C10orf88: variants seen among roughly 807,000 people sequenced by gnomAD.
C10orf88 encodes the protein chromosome 10 open reading frame 88.
A neutral mutation model predicts 34.2 loss-of-function variants in C10orf88; 29 were observed. The observed-to-expected ratio is 0.85, with a 90% CI of 0.63 to 1.16. The LOEUF (loss-of-function observed/expected upper bound fraction) is 1.16. Ranked by LOEUF, C10orf88 falls within the 50% of genes most tolerant of loss-of-function variation. The pLI is 0.00. For missense variants in C10orf88, 507 were observed against 533.2 expected, an observed-to-expected ratio of 0.95 and a Z score of 0.48; for synonymous variants, 194 against 197.4, an observed-to-expected ratio of 0.98 and a Z score of 0.15.
intron 5 of C10orf88, chr10:122,933,416 G>A (rs1848504007): frequency 6.6e-6 from 1 of 152,266 alleles, no homozygotes; most frequent in Admixed American, 6.6e-5. Context: ...GCTGCAGTGA[G>A]CTGAGATTGC....
chr10:122,944,404 T>C (rs542172986), intron 4 of C10orf88, among the ~76,000 whole-genome samples: 7 of 146,802 alleles, frequency 4.8e-5, no homozygotes, highest in South Asian at 2.3e-4. Flanking sequence ...AGGGATAGCA[T>C]TGGGAGATAT....
intron 3 of C10orf88, among the ~76,000 whole-genome samples, chr10:122,951,690 G>A (rs1848691321): frequency 6.6e-6 from 1 of 152,136 alleles, no homozygotes; most frequent in South Asian, 2.1e-4. Flanking sequence ...AAATTTGCCA[G>A]GCATGGTGGT....
chr10:122,947,053 G>A (rs1848647389), intron 4 of C10orf88, among the ~76,000 whole-genome samples: 1 of 152,138 alleles, frequency 6.6e-6, no homozygotes, highest in Non-Finnish European at 1.5e-5. Context: ...GGAGAAGGAT[G>A]AGATCCAATT....
At chr10:122,946,023 G>A (rs112713957) in intron 4 of C10orf88, among the ~76,000 whole-genome samples, 3 of 152,116 alleles carry the variant, frequency 2.0e-5, no homozygotes, top group African/African-American at 4.8e-5. Flanking sequence ...TTGAACCCAG[G>A]AGGCAGAGGT....
intron 4 of C10orf88, among the ~76,000 whole-genome samples, chr10:122,940,335 C>T (rs774773145): frequency 6.6e-6 from 1 of 151,882 alleles, no homozygotes; most frequent in Non-Finnish European, 1.5e-5. Flanking sequence ...TGGATGATTC[C>T]ATTAACATGA....
At chr10:122,936,799 A>G (rs1190097222) in intron 5 of C10orf88, among the ~76,000 whole-genome samples, 1 of 151,856 alleles carries the variant, frequency 6.6e-6, no homozygotes, top group African/African-American at 2.4e-5. Context: ...GTTGTCTTTT[A>G]TTGGTTTCTA....
chr10:122,953,653 T>C (rs557905043), intron 1 of C10orf88, among the ~76,000 whole-genome samples: 5 of 152,370 alleles, frequency 3.3e-5, no homozygotes, highest in African/African-American at 7.2e-5. Flanking sequence ...CGATCATCTA[T>C]AGCTGGACTT....
intron 5 of C10orf88, among the ~76,000 whole-genome samples, chr10:122,935,669 C>T (rs889713754): frequency 5.9e-5 from 9 of 151,674 alleles, no homozygotes; most frequent in East Asian, 1.9e-4. Flanking sequence ...AAATCATGCT[C>T]GATTTTTCAT....
At chr10:122,935,988 G>A (rs1848531165) in intron 5 of C10orf88, among the ~76,000 whole-genome samples, 1 of 151,798 alleles carries the variant, frequency 6.6e-6, no homozygotes, top group Non-Finnish European at 1.5e-5. Flanking sequence ...CACAGAATGA[G>A]TTGGAACATC....
At chr10:122,949,545 C>G (rs1848671158) in intron 3 of C10orf88, among the ~76,000 whole-genome samples, 1 of 152,108 alleles carries the variant, frequency 6.6e-6, no homozygotes, top group Non-Finnish European at 1.5e-5. Flanking sequence ...ACATACTAGA[C>G]AAAAGGATGA....
rs761581634 is a variant in C10orf88, at chr10:122,932,440, T to G, written c.1325A>C (p.Asn442Thr). The change falls in exon 6 of 6, where the codon AAT becomes ACT. Residue 442 changes from asparagine (N) to threonine (T), a missense_variant. Transcript: ENST00000481909. ...RHYDSGERLS[N>T]GER ...TATGTTGAGAGCTTATCTTTCTCCA[T>G]TTGAAAGTCTTTCTCCAGAGTCATA... 2.5e-6 allele frequency: 4 copies of G among 1,611,386 alleles called. No individual in the cohort carries two copies. Among genetic ancestry groups the G allele is most frequent in the East Asian group, 4.5e-5 (2 of 44,818 alleles).
At chr10:122,941,047 C>T (rs1396430472) in intron 4 of C10orf88, among the ~76,000 whole-genome samples, 3 of 151,750 alleles carry the variant, frequency 2.0e-5, no homozygotes, top group African/African-American at 7.3e-5. Flanking sequence ...TACCTTTTTG[C>T]TTTTTAATTT....
intron 5 of C10orf88, among the ~76,000 whole-genome samples, chr10:122,934,229 C>A (rs1425605686): frequency 1.3e-5 from 2 of 152,038 alleles, no homozygotes; most frequent in African/African-American, 2.4e-5. Flanking sequence ...TAGTTCTATG[C>A]CATTTTATCA....
intron 4 of C10orf88, among the ~76,000 whole-genome samples, chr10:122,945,300 T>C (rs1848629690): frequency 6.6e-6 from 1 of 152,190 alleles, no homozygotes; most frequent in Non-Finnish European, 1.5e-5. Context: ...AAGTATAGCA[T>C]GTACAATTAT....
rs186717584 is a variant in C10orf88 at position 122,940,498 on chromosome 10, T to C, written c.649-2339A>G. 9.9e-5 allele frequency among the ~76,000 whole-genome samples: 15 copies of C among 152,180 alleles called. No homozygotes were observed. The East Asian group carries it at 2.9e-3, about 29-fold the overall frequency. On this transcript the variant is annotated intron_variant, in intron 4 of 5. Transcript: ENST00000481909. ...GAGATCTTCTGTACAACAGTGTCTA[T>C]AGTTAACAACACCATATTGTACATT...
chr10:122,942,694 A>ATGTACAAAATGCTTG (rs1355706837), intron 4 of C10orf88, among the ~76,000 whole-genome samples: 2 of 151,126 alleles, frequency 1.3e-5, no homozygotes, highest in Non-Finnish European at 2.9e-5. Context: ...TACAAAATCA[A>ATGTACAAAATGCTTG]TGTACAAAAA....
intron 5 of C10orf88, among the ~76,000 whole-genome samples, chr10:122,934,869 T>C (rs1421005952): frequency 1.3e-5 from 2 of 152,144 alleles, no homozygotes; most frequent in Non-Finnish European, 2.9e-5. Context: ...TGTAGTGATA[T>C]ATTGTGGTTT....
chr10:122,951,548 C>T (rs996511138), intron 3 of C10orf88, among the ~76,000 whole-genome samples: 1 of 149,966 alleles, frequency 6.7e-6, no homozygotes, highest in Non-Finnish European at 1.5e-5. Flanking sequence ...CACTGGTCAC[C>T]GGGTGAAAAA....
Position 122,948,642 on chromosome 10 carries a change from T to C in C10orf88, c.648+7A>G. 1.2e-6 allele frequency: 2 copies of C among 1,611,894 alleles called. No homozygotes were observed. Among genetic ancestry groups the C allele is most frequent in the African/African-American group, 1.3e-5 (1 of 74,980 alleles). Reference sequence around the variant, plus strand: ...TGTTATCTGGAAAGAAATCCATTTCTACTTACCCGCTGCTGACACCTAACC... The same window carrying C: ...TGTTATCTGGAAAGAAATCCATTTCCACTTACCCGCTGCTGACACCTAACC... On this transcript the variant is annotated splice_region_variant and intron_variant, in intron 4 of 5. Transcript: ENST00000481909.
Sources: allele counts gnomAD v4.1 joint callset (sites outside exome capture counted in the v4.1 genomes callset), GRCh38; gene constraint gnomAD v4.1.1; transcripts MANE v1.5; gene names NCBI Gene and HGNC (gene_info 2026-07-23, HGNC 2026-07-21).